SALL1: variants seen among roughly 807,000 people sequenced by gnomAD.
The protein encoded by SALL1 is sal-like protein 1.
Under a neutral mutation model 73.1 loss-of-function variants are expected in SALL1, and 10 were observed. The ratio of observed to expected loss-of-function variants is 0.14; its 90% CI spans 0.08 to 0.23. SALL1 has a LOEUF of 0.23. SALL1 is among the 10% of genes least tolerant of loss of function. The probability of loss-of-function intolerance (pLI) is 1.00; values close to 1 mark genes in which losing one functional copy is unlikely to be tolerated. For synonymous variants in SALL1, 688 were observed against 689.8 expected, an observed-to-expected ratio of 1.00 and a Z score of 0.04; for missense variants, 1,520 against 1,697.3, an observed-to-expected ratio of 0.90 and a Z score of 1.84.
intron 1 of SALL1, among the ~76,000 whole-genome samples, chr16:51,146,857 C>T (rs529636533): frequency 6.6e-6 from 1 of 152,162 alleles, no homozygotes; most frequent in East Asian, 1.9e-4. Context: ...AACTTTCCAC[C>T]TCTTTTGCCA....
At chr16:51,151,360 C>CA, upstream of SALL1, 1 of 456,274 alleles carries the variant, frequency 2.2e-6, no homozygotes, top group Non-Finnish European at 3.3e-6. Flanking sequence ...GCCCGCCCGC[C>CA]CCCTCCCCGG....
upstream of SALL1, among the ~76,000 whole-genome samples, chr16:51,151,842 T>C (rs1482604363): frequency 2.0e-5 from 3 of 148,260 alleles, no homozygotes; most frequent in African/African-American, 7.4e-5. Flanking sequence ...CGGCGAGGGC[T>C]GGGGACCCGG....
chr16:51,147,032 T>A (rs1962527200), intron 1 of SALL1, among the ~76,000 whole-genome samples: 1 of 152,158 alleles, frequency 6.6e-6, no homozygotes, highest in Non-Finnish European at 1.5e-5. Context: ...CCAGTCTGCC[T>A]ATTTCTGCCC....
In SALL1 at chr16:51,141,106, T is replaced by C. The variant is rs1418935042; in HGVS notation, c.1116A>G (p.Ser372=). The C allele has an allele frequency of 1.9e-6, 3 of 1,613,716 alleles. No individual in the cohort carries two copies. Among genetic ancestry groups the C allele is most frequent in the Non-Finnish European group, 2.5e-6 (3 of 1,179,690 alleles). ...ASHVSNPAVS[S]SSSPAFAISS... is the part of the protein sequence containing the mutation. The stretch of plus-strand genomic sequence containing the variant: ...TTATTGCAAAAGCTGGTGAGGACGA[T>C]GATGAGACCGCTGGGTTGCTGACAT... Residue 372 remains serine, a synonymous_variant, in exon 2 of 3, where the codon TCA becomes TCG. Coordinates refer to ENST00000251020, the MANE Select transcript of SALL1 (RefSeq NM_002968.3). The surrounding 1 kb of genome is among the most constrained non-coding windows in gnomAD (Gnocchi z 5.4).
rs1469683531 is a variant in SALL1 at position 51,139,990 on chromosome 16, G to A, written c.2232C>T (p.Thr744=). ...FKCKICGRAF[T]TKGNLKTHYS... ...AGTGGGTTTTAAGATTCCCTTTCGT[G>A]GTGAAAGCCCGGCCACAGATCTTAC... Residue 744 remains threonine, a synonymous_variant, in exon 2 of 3, where the codon ACC becomes ACT. Transcript: ENST00000251020. The A allele has an allele frequency of 1.2e-6, 2 of 1,614,160 alleles. No homozygotes were observed. The highest frequency in any genetic ancestry group is 1.1e-5 in the South Asian group (1 of 91,090).
In SALL1 at chr16:51,140,319, G is replaced by A. The variant is rs61731136; in HGVS notation, c.1903C>T (p.Pro635Ser). Reference sequence around the variant, plus strand: ...CTCAGGACGCTACTGCTCGCCGTCGGGACTGAGTTGGTGACCATGCCACTC... The same window carrying A: ...CTCAGGACGCTACTGCTCGCCGTCGAGACTGAGTTGGTGACCATGCCACTC... ...EESGMVTNSV[P>S]TASSSVLSSP... Residue 635 changes from proline to serine, a missense_variant, in exon 2 of 3, where the codon CCG (proline) becomes TCG (serine). Physicochemically the swap from Pro to Ser is moderately conservative, Grantham distance 74 (BLOSUM62 -1). Transcript: ENST00000251020. The surrounding 1 kb of genome is among the most constrained non-coding windows in gnomAD (Gnocchi z 5.7). 169 of 1,614,092 alleles carry A rather than the reference G, an allele frequency of 1.0e-4. 1 individual carries two copies. In the African/African-American group the frequency reaches 1.9e-3, roughly 19 times the overall value.
chr16:51,140,220 C>G lies in SALL1; in HGVS notation c.2002G>C (p.Glu668Gln). Reference sequence around the variant, plus strand: ...AAAGGAAACTTGGCCTTGAACTGCTCGGACATGAGCGGCAACAAAGGGTTG... The same window carrying G: ...AAAGGAAACTTGGCCTTGAACTGCTGGGACATGAGCGGCAACAAAGGGTTG... ...FTNPLLPLMS[E>Q]QFKAKFPFGG... The change falls in exon 2 of 3, where the codon GAG (glutamate) becomes CAG (glutamine). Residue 668 changes from glutamate (E) to glutamine (Q), a missense_variant. This residue lies in a region of SALL1 where 276 missense variants were observed against 259.1 expected (regional missense o/e 1.07). Coordinates refer to ENST00000251020, the MANE Select transcript of SALL1 (RefSeq NM_002968.3). The surrounding 1 kb of genome is among the most constrained non-coding windows in gnomAD (Gnocchi z 5.7). 2.5e-6 allele frequency: 4 copies of G among 1,614,130 alleles called. No individual in the cohort carries two copies. Among genetic ancestry groups the G allele is most frequent in the Non-Finnish European group, 3.4e-6 (4 of 1,180,030 alleles).
At chr16:51,142,465 G>T (rs1034764229) in intron 1 of SALL1, among the ~76,000 whole-genome samples, 1 of 152,074 alleles carries the variant, frequency 6.6e-6, no homozygotes, top group African/African-American at 2.4e-5. Flanking sequence ...ACACCTTATT[G>T]TCTACTTGTC....
intron 1 of SALL1, chr16:51,150,565 T>C: frequency 1.0e-6 from 1 of 985,988 alleles, no homozygotes; most frequent in Non-Finnish European, 1.2e-6. Context: ...CCGACACCAG[T>C]CCCCATCTTC....
At position 51,141,793 on chromosome 16, in the gene SALL1, G is replaced by C. The variant is rs762993402; in HGVS notation, c.429C>G (p.Ser143Arg). The change falls in exon 2 of 3, where the codon AGC (serine) becomes AGG (arginine). Residue 143 changes from serine to arginine, a missense_variant. Around this residue, in one of 7 missense-constraint regions of SALL1, gnomAD observed 540 missense variants for 567.5 expected, o/e 0.95. Transcript: ENST00000251020. The surrounding 1 kb of genome is among the most constrained non-coding windows in gnomAD (Gnocchi z 5.4). ...NKSGSGTSSG[S>R]HSSTAPSSSS... Reference sequence around the variant, plus strand: ...TGCTGCTTGGGGCGGTACTGCTGTGGCTGCCGCTGGAAGTGCCGCTGCCGC... The same window carrying C: ...TGCTGCTTGGGGCGGTACTGCTGTGCCTGCCGCTGGAAGTGCCGCTGCCGC... 20 of 1,613,094 alleles carry C rather than the reference G, an allele frequency of 1.2e-5. No individual in the cohort carries two copies. Among genetic ancestry groups the C allele is most frequent in the Non-Finnish European group, 1.6e-5 (19 of 1,179,794 alleles).
chr16:51,147,334 A>G (rs928142740), intron 1 of SALL1, among the ~76,000 whole-genome samples: 1 of 152,216 alleles, frequency 6.6e-6, no homozygotes, highest in Non-Finnish European at 1.5e-5. Flanking sequence ...GGCCTGAAGC[A>G]AATCACAAAA....
chr16:51,151,021 A>C lies in SALL1; in HGVS notation c.76+145T>G, dbSNP rs1218104932. 6.4e-6 allele frequency: 3 copies of C among 470,412 alleles called. No individual in the cohort carries two copies. The East Asian group carries it at 1.0e-4, about 16-fold the overall frequency. The allele number at this position is 470,412 out of a possible 1,614,324, so 29.1% of individuals were successfully genotyped here. On this transcript the variant is annotated intron_variant, in intron 1 of 2. Coordinates refer to ENST00000251020, the MANE Select transcript of SALL1 (RefSeq NM_002968.3). ...CACATTGAAAATTAAAAAGAAAAAA[A>C]AAATTACGCCGAGTGGAAGAAGCAA...
Position 51,148,181 on chromosome 16 carries a change from T to A in SALL1, c.76+2985A>T, listed in dbSNP as rs536305533. Among the ~76,000 whole-genome samples the A allele has an allele frequency of 5.6e-4, 86 of 152,298 alleles. No homozygotes were observed. In the Middle Eastern group the frequency reaches 0.02, roughly 36 times the overall value. On this transcript the variant is annotated intron_variant, in intron 1 of 2. Transcript: ENST00000251020. ...TGCATTTGCTTCAGATGAAGCTGTC[T>A]GTGTGGCTCCTTAGCATGGTCTGGA...
chr16:51,147,469 T>G (rs1432915284), intron 1 of SALL1, among the ~76,000 whole-genome samples: 1 of 152,148 alleles, frequency 6.6e-6, no homozygotes, highest in Non-Finnish European at 1.5e-5. Context: ...AAAAAAGCAA[T>G]TAATTACAGT....
At chr16:51,142,271 A>G (rs1358135457) in intron 1 of SALL1, 126 bp from the exon 2 acceptor site, 3 of 740,056 alleles carry the variant, frequency 4.1e-6, no homozygotes, top group Non-Finnish European at 7.1e-6. Flanking sequence ...GCCCTTGAAA[A>G]CCAATCAATA....
At chr16:51,144,353 T>C (rs1428305348) in intron 1 of SALL1, among the ~76,000 whole-genome samples, 1 of 152,218 alleles carries the variant, frequency 6.6e-6, no homozygotes, top group Non-Finnish European at 1.5e-5. Flanking sequence ...GCATTAAAAC[T>C]ATTATGTCAG....
rs769347328 is a variant in SALL1, at chr16:51,140,001, G to A, written c.2221C>T (p.Arg741Trp). The change falls in exon 2 of 3, where the codon CGG becomes TGG. Residue 741 changes from arginine (R) to tryptophan (W), a missense_variant. Coordinates refer to ENST00000251020, the MANE Select transcript of SALL1 (RefSeq NM_002968.3). The surrounding 1 kb of genome is among the most constrained non-coding windows in gnomAD (Gnocchi z 5.7). ...ERPFKCKICG[R>W]AFTTKGNLKT... The stretch of plus-strand genomic sequence containing the variant: ...AGATTCCCTTTCGTGGTGAAAGCCC[G>A]GCCACAGATCTTACACTTAAAGGGC... The A allele has an allele frequency of 1.9e-6, 3 of 1,614,162 alleles. No individual in the cohort carries two copies. The highest frequency in any genetic ancestry group is 2.2e-5 in the East Asian group (1 of 44,882).
Position 51,136,019 on chromosome 16 carries a change from A to G in SALL1, c.*1093T>C, listed in dbSNP as rs1962289983. On this transcript the variant is annotated 3_prime_UTR_variant, in exon 3 of 3. Coordinates refer to ENST00000251020, the MANE Select transcript of SALL1 (RefSeq NM_002968.3). Reference sequence around the variant, plus strand: ...TGTTGCAAAAAAAATGTATTTGATTACTTGAGTAAAATTACAGTATCTCTG... The same window carrying G: ...TGTTGCAAAAAAAATGTATTTGATTGCTTGAGTAAAATTACAGTATCTCTG... 1 of 152,656 alleles carries G rather than the reference A, an allele frequency of 6.6e-6. No individual in the cohort carries two copies. Among genetic ancestry groups the G allele is most frequent in the Admixed American group, 6.5e-5 (1 of 15,284 alleles). The allele number at this position is 152,656 out of a possible 1,614,324, so 9.5% of individuals were successfully genotyped here. A position where few individuals can be genotyped will look rare whatever the true frequency, so the allele number is the denominator to read the frequency against.
chr16:51,141,650 A>G lies in SALL1; in HGVS notation c.572T>C (p.Ile191Thr), dbSNP rs1555475381. The change falls in exon 2 of 3, where the codon ATC becomes ACC. Residue 191 changes from isoleucine to threonine, a missense_variant. This residue lies in a region of SALL1 where 540 missense variants were observed against 567.5 expected (regional missense o/e 0.95). Transcript: ENST00000251020. The surrounding 1 kb of genome is among the most constrained non-coding windows in gnomAD (Gnocchi z 5.4). ...GTTCTCGATGATGACGTTGCTGTTG[A>G]TTACGGAGAAGTTGCCCAGTGTTGT... ...DLTTLGNFSV[I>T]NSNVIIENLQ... is the part of the protein sequence containing the mutation. 3.7e-6 allele frequency: 6 copies of G among 1,613,678 alleles called. No individual in the cohort carries two copies. The highest frequency in any genetic ancestry group is 5.1e-6 in the Non-Finnish European group (6 of 1,180,020).
Sources: gnomAD v4.1 joint callset for allele counts (sites outside exome capture counted in the v4.1 genomes callset) on GRCh38, gnomAD v4.1.1 for gene constraint, gnomAD v4.1.1 regional missense constraint, Gnocchi (gnomAD v3.1) non-coding constraint, MANE v1.5 for transcripts, NCBI Gene and HGNC (gene_info 2026-07-23, HGNC 2026-07-21) for gene names.